FLI1: variants seen among roughly 807,000 people sequenced by gnomAD.
FLI1 encodes the protein Friend leukemia integration 1 transcription factor.
Under a neutral mutation model 53.1 loss-of-function variants are expected in FLI1, and 13 were observed. The ratio of observed to expected loss-of-function variants is 0.24; its 90% CI spans 0.16 to 0.39. FLI1 has a LOEUF of 0.39. Among genes scored for constraint, FLI1 ranks in the 10% least tolerant of loss-of-function variants. The probability of loss-of-function intolerance (pLI) is 1.00; values close to 1 mark genes in which losing one functional copy is unlikely to be tolerated. For synonymous variants in FLI1, 244 were observed against 236.7 expected, an observed-to-expected ratio of 1.03 and a Z score of -0.28; for missense variants, 424 against 600.5, an observed-to-expected ratio of 0.71 and a Z score of 3.07.
intron 1 of FLI1, among the ~76,000 whole-genome samples, chr11:128,751,617 C>T (rs995192149): frequency 1.3e-5 from 2 of 151,544 alleles, no homozygotes; most frequent in Non-Finnish European, 2.9e-5. Context: ...AGCTCTGCCT[C>T]CCGGGTTCAC....
intron 2 of FLI1, among the ~76,000 whole-genome samples, chr11:128,766,363 T>G (rs1349105008): frequency 6.6e-6 from 1 of 152,224 alleles, no homozygotes; most frequent in Non-Finnish European, 1.5e-5. Context: ...TTTTTGGTTC[T>G]CTGCCTGGAA....
At chr11:128,777,718 A>G (rs1470183802) in intron 4 of FLI1, among the ~76,000 whole-genome samples, 1 of 152,244 alleles carries the variant, frequency 6.6e-6, no homozygotes, top group Non-Finnish European at 1.5e-5. Context: ...AGCTGTTGAT[A>G]TAGCAGTGCA....
At chr11:128,696,167 A>G (rs78983534) in intron 1 of FLI1, 2 of 152,226 alleles carry the variant, frequency 1.3e-5, no homozygotes, top group African/African-American at 4.8e-5. Context: ...ATGGGAGTGA[A>G]AGTCCTTCCT....
intron 4 of FLI1, among the ~76,000 whole-genome samples, chr11:128,775,730 C>T (rs1195296230): frequency 2.0e-5 from 3 of 152,286 alleles, no homozygotes; most frequent in East Asian, 1.9e-4. Flanking sequence ...GAGTTTGAGG[C>T]GATGAGTCAA....
chr11:128,688,769 G>A (rs765401148), intron 1 of FLI1, among the ~76,000 whole-genome samples: 2 of 152,198 alleles, frequency 1.3e-5, no homozygotes, highest in Admixed American at 1.3e-4. Flanking sequence ...AGGGAAGAGG[G>A]TGACACTTGG....
Position 128,758,598 on chromosome 11 carries a change from G to A in FLI1, c.230+272G>A, listed in dbSNP as rs111356331. On this transcript the variant is annotated intron_variant, in intron 2 of 8. Transcript: ENST00000527786. The stretch of plus-strand genomic sequence containing the variant: ...GCCCCAAGCGCCTATGCAGACACTC[G>A]TGGAACACTTATTTCTTGTTAATCC... Among the ~76,000 whole-genome samples the A allele has an allele frequency of 6.9e-3, 1,044 of 152,266 alleles. 13 individuals are homozygous for A. The highest frequency in any genetic ancestry group is 0.024 in the African/African-American group (978 of 41,538).
chr11:128,777,285 C>T (rs1201965566), intron 4 of FLI1, among the ~76,000 whole-genome samples: 1 of 152,002 alleles, frequency 6.6e-6, no homozygotes, highest in East Asian at 1.9e-4. Context: ...AGAAAAAGAG[C>T]CTTTTTTAAG....
chr11:128,716,100 A>G (rs920125707), intron 1 of FLI1, among the ~76,000 whole-genome samples: 1 of 152,198 alleles, frequency 6.6e-6, no homozygotes, highest in African/African-American at 2.4e-5. Flanking sequence ...TAGGAGCCAG[A>G]CTGTTAGAAA....
chr11:128,691,503 CCAA>C (rs1359463013), upstream of FLI1, among the ~76,000 whole-genome samples: 3 of 152,074 alleles, frequency 2.0e-5, no homozygotes, highest in African/African-American at 4.8e-5. Flanking sequence ...CTGAAAATCG[CCAA>C]CAACAGTGGC....
rs1271507162 is a variant in FLI1 at position 128,812,360 on chromosome 11, T to C, written c.*1372T>C. Reference sequence around the variant, plus strand: ...CTATATTAAGTGTTAAGCTGACAACTGTCAAAGAAGACCATGTTGTAAAAT... The same window carrying C: ...CTATATTAAGTGTTAAGCTGACAACCGTCAAAGAAGACCATGTTGTAAAAT... On this transcript the variant is annotated 3_prime_UTR_variant, in exon 9 of 9. Coordinates refer to ENST00000527786, the MANE Select transcript of FLI1 (RefSeq NM_002017.5). 1.4e-5 allele frequency: 3 copies of C among 221,940 alleles called. No individual in the cohort carries two copies. Among genetic ancestry groups the C allele is most frequent in the Admixed American group, 5.8e-5 (1 of 17,382 alleles). 13.7% of individuals were successfully genotyped at this position (221,940 alleles called of 1,614,324 possible).
At chr11:128,756,246 G>A (rs1940855510) in intron 1 of FLI1, among the ~76,000 whole-genome samples, 1 of 152,192 alleles carries the variant, frequency 6.6e-6, no homozygotes, top group Non-Finnish European at 1.5e-5. Context: ...GGAAGTCCAA[G>A]ATCAGGGTGC....
At chr11:128,748,158 T>G (rs1940486067) in intron 1 of FLI1, 1 of 476,778 alleles carries the variant, frequency 2.1e-6, no homozygotes, top group Non-Finnish European at 2.7e-6. Context: ...CTGTGCTCAC[T>G]TAGGCTATAC....
upstream of FLI1, chr11:128,686,465 G>GT (rs1865805113): frequency 2.2e-6 from 1 of 456,326 alleles, no homozygotes; most frequent in African/African-American, 2.0e-5. Flanking sequence ...GGCGTAGGGA[G>GT]AGTGCTCAAC....
At chr11:128,712,529 G>A (rs1351807434) in intron 1 of FLI1, among the ~76,000 whole-genome samples, 1 of 152,228 alleles carries the variant, frequency 6.6e-6, no homozygotes, top group Non-Finnish European at 1.5e-5. Flanking sequence ...AAGAAAGAAA[G>A]AGGTTTATTG....
intron 1 of FLI1, among the ~76,000 whole-genome samples, chr11:128,699,109 AG>A (rs1465292284): frequency 1.3e-5 from 2 of 152,236 alleles, no homozygotes; most frequent in Non-Finnish European, 2.9e-5. Context: ...AAAATCTATT[AG>A]AAGGCATCTT....
At chr11:128,803,283 A>G (rs1055089840) in intron 5 of FLI1, among the ~76,000 whole-genome samples, 9 of 152,144 alleles carry the variant, frequency 5.9e-5, no homozygotes, top group Non-Finnish European at 2.9e-5. Flanking sequence ...GCATGGCTGC[A>G]AGCGCAAAAC....
chr11:128,788,159 T>C (rs1218426103), intron 5 of FLI1, among the ~76,000 whole-genome samples: 1 of 152,096 alleles, frequency 6.6e-6, no homozygotes, highest in Non-Finnish European at 1.5e-5. Context: ...TATACATAGA[T>C]AGCCAAGCTG....
At chr11:128,688,401 T>C (rs542993663) in intron 1 of FLI1, among the ~76,000 whole-genome samples, 1 of 152,236 alleles carries the variant, frequency 6.6e-6, no homozygotes. Context: ...AAGGGGTGCA[T>C]TGATGGCGGC....
At chr11:128,693,251 C>G (rs1377142428), upstream of FLI1, 1 of 152,238 alleles carries the variant, frequency 6.6e-6, no homozygotes, top group Non-Finnish European at 1.5e-5. Context: ...CGCGCCGCCC[C>G]GAGGGGCCCC....
Sources: allele counts gnomAD v4.1 joint callset (sites outside exome capture counted in the v4.1 genomes callset), GRCh38; gene constraint gnomAD v4.1.1; transcripts MANE v1.5; gene names NCBI Gene and HGNC (gene_info 2026-07-23, HGNC 2026-07-21).